Variants in ACYP2 observed in about 807,000 individuals in gnomAD.
ACYP2 encodes the protein acylphosphatase 2.
Under a neutral mutation model 11.2 loss-of-function variants are expected in ACYP2, and 12 were observed. That is an observed-to-expected ratio of 1.08 (90% CI 0.69 to 1.74). The LOEUF is 1.74. ACYP2 is among the 40% of genes most tolerant of loss of function. The probability of loss-of-function intolerance (pLI) is 0.00; values close to 1 mark genes in which losing one functional copy is unlikely to be tolerated. For synonymous variants in ACYP2, 43 were observed against 32.2 expected (o/e 1.33, Z -1.13); for missense variants, 134 against 101.9 (o/e 1.31, Z -1.35).
At chr2:54,121,959 T>C (rs1466403621) in intron 4 of ACYP2, among the ~76,000 whole-genome samples, 1 of 152,246 alleles carries the variant, frequency 6.6e-6, no homozygotes, top group African/African-American at 2.4e-5. Context: ...AATTGTAGTG[T>C]GATGGCTGTT....
intron 4 of ACYP2, among the ~76,000 whole-genome samples, chr2:54,117,786 A>T (rs1288115116): frequency 6.6e-6 from 1 of 152,002 alleles, no homozygotes; most frequent in East Asian, 1.9e-4. Context: ...TTTATTTCCT[A>T]TAGGTCTTTG....
chr2:54,181,514 C>G (rs555702719), intron 6 of ACYP2, among the ~76,000 whole-genome samples: 59 of 152,246 alleles, frequency 3.9e-4, no homozygotes, highest in African/African-American at 1.3e-3. Flanking sequence ...AGAGAAAACT[C>G]CTGGCATTGT....
intron 2 of ACYP2, among the ~76,000 whole-genome samples, chr2:54,028,892 T>A (rs1325461925): frequency 6.6e-6 from 1 of 152,216 alleles, no homozygotes; most frequent in Admixed American, 6.5e-5. Flanking sequence ...GGCACAGTGG[T>A]TTACTTCTGT....
At chr2:54,193,343 A>G (rs1174983537) in intron 6 of ACYP2, among the ~76,000 whole-genome samples, 1 of 152,206 alleles carries the variant, frequency 6.6e-6, no homozygotes, top group Admixed American at 6.5e-5. Flanking sequence ...AAGTCTATAA[A>G]ATGGAAATGA....
intron 2 of ACYP2, among the ~76,000 whole-genome samples, chr2:53,981,038 C>CGG (rs1671730930): frequency 1.3e-5 from 2 of 152,116 alleles, no homozygotes; most frequent in African/African-American, 4.8e-5. Context: ...AGGTGTGAGC[C>CGG]ACCACACCGG....
chr2:54,147,201 G>T lies in ACYP2; in HGVS notation c.404+8453G>T, dbSNP rs1184453500. Among the ~76,000 whole-genome samples, 3 of 151,718 alleles carry T rather than the reference G, an allele frequency of 2.0e-5. No individual in the cohort carries two copies. In the East Asian group the frequency reaches 5.8e-4, roughly 29 times the overall value. ...GTTTTGCTTATCTTTTATATTGCCG[G>T]CTTTCCTTACAATCATATTTTCAGT... is the stretch of plus-strand genomic sequence containing the variant. On this transcript the variant is annotated intron_variant, in intron 6 of 6. Transcript: ENST00000607452.
At chr2:54,198,272 C>T (rs1183162831) in intron 6 of ACYP2, among the ~76,000 whole-genome samples, 2 of 152,124 alleles carry the variant, frequency 1.3e-5, no homozygotes, top group Non-Finnish European at 2.9e-5. Flanking sequence ...GCCTCGGCCT[C>T]CCAAAGTGCT....
chr2:54,000,922 T>G (rs1558463094), intron 2 of ACYP2, among the ~76,000 whole-genome samples: 1 of 152,230 alleles, frequency 6.6e-6, no homozygotes, highest in Admixed American at 6.5e-5. Context: ...CCACTAATGC[T>G]GCTGTGAAAT....
At chr2:54,254,377 G>A (rs571999793) in intron 6 of ACYP2, 3 of 153,444 alleles carry the variant, frequency 2.0e-5, no homozygotes, top group South Asian at 4.1e-4. Context: ...AGCAGTACTT[G>A]GGAATAGCCA....
intron 2 of ACYP2, among the ~76,000 whole-genome samples, chr2:54,035,389 C>T (rs569520540): frequency 6.6e-6 from 1 of 151,432 alleles, no homozygotes; most frequent in East Asian, 2.0e-4. Context: ...TCTCAGCCTT[C>T]CGAGTAGCTG....
chr2:54,181,708 C>G (rs775493692), intron 6 of ACYP2, among the ~76,000 whole-genome samples: 1 of 152,192 alleles, frequency 6.6e-6, no homozygotes, highest in Admixed American at 6.5e-5. Flanking sequence ...GTGCCAGTCT[C>G]TGGTGACCTG....
intron 4 of ACYP2, among the ~76,000 whole-genome samples, chr2:54,057,877 G>A (rs1170735480): frequency 1.3e-5 from 2 of 152,168 alleles, no homozygotes; most frequent in East Asian, 3.8e-4. Context: ...CAGAGGAAGA[G>A]AGGCTTTTGA....
chr2:54,288,522 A>C (rs1380796449), intron 6 of ACYP2, among the ~76,000 whole-genome samples: 5 of 152,054 alleles, frequency 3.3e-5, no homozygotes, highest in Admixed American at 3.3e-4. Flanking sequence ...TCATTAGTGC[A>C]TTAGTGCATT....
At chr2:54,285,960 C>T (rs577768188) in intron 6 of ACYP2, among the ~76,000 whole-genome samples, 1 of 152,264 alleles carries the variant, frequency 6.6e-6, no homozygotes, top group South Asian at 2.1e-4. Context: ...GACTGCCCAC[C>T]TTCAGGCTTC....
chr2:53,983,927 A>G (rs1671886194), intron 2 of ACYP2, among the ~76,000 whole-genome samples: 1 of 152,204 alleles, frequency 6.6e-6, no homozygotes, highest in South Asian at 2.1e-4. Flanking sequence ...AAAAGAGACA[A>G]GAAGGTAAAC....
At chr2:54,152,839 A>AT (rs1558572741) in intron 6 of ACYP2, among the ~76,000 whole-genome samples, 1 of 151,714 alleles carries the variant, frequency 6.6e-6, no homozygotes, top group East Asian at 2.0e-4. Flanking sequence ...TATTTTATTA[A>AT]TTTTTTTAGA....
chr2:54,123,395 T>A (rs1354297134), intron 4 of ACYP2: 3 of 398,500 alleles, frequency 7.5e-6, no homozygotes, highest in Non-Finnish European at 1.3e-5. Flanking sequence ...TGACTGCCCT[T>A]GTTCTACAAA....
At chr2:54,099,862 C>G (rs1302566450) in intron 4 of ACYP2, among the ~76,000 whole-genome samples, 1 of 152,148 alleles carries the variant, frequency 6.6e-6, no homozygotes, top group Non-Finnish European at 1.5e-5. Context: ...GCTTGAGAAA[C>G]CTACATACAG....
intron 2 of ACYP2, among the ~76,000 whole-genome samples, chr2:54,004,536 A>G (rs1483264077): frequency 1.3e-5 from 2 of 148,896 alleles, no homozygotes; most frequent in East Asian, 2.0e-4. Flanking sequence ...TCAGCCTTCC[A>G]AGTAGCTGAG....
Sources: gnomAD v4.1 joint callset for allele counts (sites outside exome capture counted in the v4.1 genomes callset) on GRCh38, gnomAD v4.1.1 for gene constraint, MANE v1.5 for transcripts, NCBI Gene and HGNC (gene_info 2026-07-23, HGNC 2026-07-21) for gene names.